CASD1: variants seen among roughly 807,000 people sequenced by gnomAD.
The protein encoded by CASD1 is CAS1 domain sialic acid O acetyltransferase 1.
In CASD1, 41 loss-of-function variants were observed where a neutral mutation model predicts 100.0. The observed-to-expected ratio is 0.41, with a 90% CI of 0.32 to 0.53. The LOEUF is 0.53. CASD1 is among the 20% of genes least tolerant of loss of function. CASD1 has a pLI of 0.25. For missense variants in CASD1, 774 were observed against 948.7 expected, an observed-to-expected ratio of 0.82 and a Z score of 2.42; for synonymous variants, 321 against 315.6, an observed-to-expected ratio of 1.02 and a Z score of -0.18.
intron 5 of CASD1, among the ~76,000 whole-genome samples, chr7:94,531,520 GT>G (rs1794850436): frequency 6.6e-6 from 1 of 152,110 alleles, no homozygotes; most frequent in Non-Finnish European, 1.5e-5. Context: ...GATAACCAAT[GT>G]AAGTTTTGGG....
Position 94,518,288 on chromosome 7 carries a change from A to G in CASD1, c.316A>G (p.Ile106Val). The change falls in exon 3 of 18, where the codon ATA becomes GTA. Residue 106 changes from isoleucine to valine, a missense_variant. Physicochemically the swap from Ile to Val is conservative, Grantham distance 29. Transcript: ENST00000297273. Reference sequence around the variant, plus strand: ...TCAATTGTTTTATTCTTTTGTAAAAATAATTAATCCCCAATTCAAAGAAGA... The same window carrying G: ...TCAATTGTTTTATTCTTTTGTAAAAGTAATTAATCCCCAATTCAAAGAAGA... ...IRQLFYSFVK[I>V]INPQFKEEGN... 6.3e-7 allele frequency: 1 copy of G among 1,579,894 alleles called. No individual in the cohort carries two copies. The highest frequency in any genetic ancestry group is 1.2e-5 in the South Asian group (1 of 85,114).
Position 94,533,938 on chromosome 7 carries a change from CA to C in CASD1, c.628+137del, listed in dbSNP as rs371148068. ...AAACAAGATTTGCAAGATTAGAGTA[CA>C]CTTGAGTTATTTGCTCTCCTTTTTC... is the stretch of plus-strand genomic sequence containing the variant. On this transcript the variant is annotated intron_variant, in intron 7 of 17. Coordinates refer to ENST00000297273, the MANE Select transcript of CASD1 (RefSeq NM_022900.5). 289 of 756,300 alleles carry C rather than the reference CA, an allele frequency of 3.8e-4. 4 individuals carry two copies. The East Asian group carries it at 6.2e-3, about 16-fold the overall frequency. The allele number at this position is 756,300 out of a possible 1,614,324, so 46.8% of individuals were successfully genotyped here. A position where few individuals can be genotyped will look rare whatever the true frequency, so the allele number is the denominator to read the frequency against.
At chr7:94,540,909 C>T (rs980829951) in intron 10 of CASD1, among the ~76,000 whole-genome samples, 2 of 151,974 alleles carry the variant, frequency 1.3e-5, no homozygotes, top group Admixed American at 1.3e-4. Flanking sequence ...GAATTAATGG[C>T]AGATTAAGTT....
At chr7:94,562,756 T>C in the CASD1 span, among the ~76,000 whole-genome samples, 2 of 152,294 alleles carry the variant, frequency 1.3e-5, no homozygotes, top group South Asian at 4.1e-4. Context: ...ACTCAAGGTG[T>C]TGGTACACAC....
intron 3 of CASD1, among the ~76,000 whole-genome samples, chr7:94,521,688 T>C (rs1468659771): frequency 1.3e-5 from 2 of 152,172 alleles, no homozygotes; most frequent in South Asian, 2.1e-4. Context: ...ACATATGATA[T>C]ACATACGCAC....
At chr7:94,557,504 G>A (rs1431171552), downstream of CASD1, among the ~76,000 whole-genome samples, 1 of 152,056 alleles carries the variant, frequency 6.6e-6, no homozygotes, top group Non-Finnish European at 1.5e-5. Context: ...TTGCCAATGA[G>A]TAGAGTGCAT....
downstream of CASD1, among the ~76,000 whole-genome samples, chr7:94,557,197 G>T (rs1796238962): frequency 6.6e-6 from 1 of 151,984 alleles, no homozygotes; most frequent in African/African-American, 2.4e-5. Context: ...AAGCATTATG[G>T]TTCATTAGTG....
At chr7:94,545,137 C>T (rs749932722) in intron 11 of CASD1, among the ~76,000 whole-genome samples, 30 of 152,122 alleles carry the variant, frequency 2.0e-4, no homozygotes, top group Non-Finnish European at 4.1e-4. Flanking sequence ...TATTTTGTAT[C>T]TTTGACAACT....
chr7:94,577,569 G>A, the CASD1 span, among the ~76,000 whole-genome samples: 92 of 152,180 alleles, frequency 6.0e-4, no homozygotes, highest in African/African-American at 2.1e-3. Flanking sequence ...AGAGCATAGG[G>A]CCTTCTTAGG....
At position 94,513,221 on chromosome 7, in the gene CASD1, A is replaced by G. The variant is rs560527458; in HGVS notation, c.133+3004A>G. 2.8e-4 allele frequency among the ~76,000 whole-genome samples: 40 copies of G among 145,116 alleles called. No homozygotes were observed. In the South Asian group the frequency reaches 9.1e-3, roughly 33 times the overall value. On this transcript the variant is annotated intron_variant, in intron 1 of 17. Transcript: ENST00000297273. ...GGCACCTGAATCCCAGCTGCTCAGGAGGCTGAGGCAGGGAGAATCACTTGA... is the reference window on the plus strand; with the variant it reads ...GGCACCTGAATCCCAGCTGCTCAGGGGGCTGAGGCAGGGAGAATCACTTGA...
chr7:94,580,048 G>C, the CASD1 span, among the ~76,000 whole-genome samples: 1 of 152,050 alleles, frequency 6.6e-6, no homozygotes, highest in Admixed American at 6.6e-5. Flanking sequence ...CTCCTAAATA[G>C]CTCTTGAATC....
the CASD1 span, among the ~76,000 whole-genome samples, chr7:94,615,270 A>G: frequency 2.0e-5 from 3 of 152,088 alleles, no homozygotes; most frequent in African/African-American, 7.2e-5. Flanking sequence ...GAGGCAGGAG[A>G]ATCGCTTGAA....
chr7:94,514,941 A>G (rs1475396616), intron 1 of CASD1, among the ~76,000 whole-genome samples: 1 of 152,106 alleles, frequency 6.6e-6, no homozygotes, highest in East Asian at 1.9e-4. Flanking sequence ...GTTTATATTT[A>G]GTGATTTTAT....
the CASD1 span, among the ~76,000 whole-genome samples, chr7:94,609,998 T>C: frequency 6.6e-6 from 1 of 152,070 alleles, no homozygotes; most frequent in African/African-American, 2.4e-5. Flanking sequence ...CCGTGGTACA[T>C]CCAGAAAATG....
intron 2 of CASD1, 38 bp downstream of exon 2, chr7:94,517,694 T>G: frequency 7.8e-7 from 1 of 1,279,734 alleles, no homozygotes; most frequent in South Asian, 1.2e-5. Flanking sequence ...TTTTTCAGGA[T>G]GGGTCTTAAT....
intron 10 of CASD1, among the ~76,000 whole-genome samples, chr7:94,543,804 A>G (rs935741979): frequency 2.0e-5 from 3 of 152,314 alleles, no homozygotes; most frequent in African/African-American, 7.2e-5. Context: ...GGTGCCTCCT[A>G]TCATATGTGG....
intron 5 of CASD1, among the ~76,000 whole-genome samples, chr7:94,532,922 G>A (rs534832417): frequency 9.2e-5 from 14 of 152,128 alleles, no homozygotes; most frequent in Non-Finnish European, 1.6e-4. Flanking sequence ...ATATTAGGTC[G>A]TGTTAGATTT....
In CASD1 at chr7:94,510,185, C is replaced by T. The variant is rs1469433577; in HGVS notation, c.101C>T (p.Ala34Val). 1 of 1,512,530 alleles carries T rather than the reference C, an allele frequency of 6.6e-7. No individual in the cohort carries two copies. The highest frequency in any genetic ancestry group is 2.6e-5 in the East Asian group (1 of 37,812). The allele number at this position is 1,512,530 out of a possible 1,614,324, so 93.7% of individuals were successfully genotyped here. The change falls in exon 1 of 18, where the codon GCA (alanine) becomes GTA (valine). Residue 34 changes from alanine (A) to valine (V), a missense_variant. Ala to Val is a moderately conservative substitution (Grantham distance 64, BLOSUM62 0). Coordinates refer to ENST00000297273, the MANE Select transcript of CASD1 (RefSeq NM_022900.5). Reference sequence around the variant, plus strand: ...GCGCTGGTGGCCGTGCTGCTGCTCGCAGCGTGCCACCTCGCCTCCCGCCGC... The same window carrying T: ...GCGCTGGTGGCCGTGCTGCTGCTCGTAGCGTGCCACCTCGCCTCCCGCCGC... The part of the protein sequence containing the change: ...VLALVAVLLL[A>V]ACHLASRRYR...
the CASD1 span, among the ~76,000 whole-genome samples, chr7:94,579,129 G>A: frequency 6.6e-6 from 1 of 151,068 alleles, no homozygotes; most frequent in African/African-American, 2.4e-5. Context: ...ATAGTTCAAT[G>A]CCTAGAACAC....
Sources: gnomAD v4.1 joint callset for allele counts (sites outside exome capture counted in the v4.1 genomes callset) on GRCh38, gnomAD v4.1.1 for gene constraint, MANE v1.5 for transcripts, NCBI Gene and HGNC (gene_info 2026-07-23, HGNC 2026-07-21) for gene names.